Variants in RHOA observed in about 807,000 individuals in gnomAD.
RHOA encodes the protein ras homolog family member A.
Under a neutral mutation model 17.5 loss-of-function variants are expected in RHOA, and 3 were observed. That is an observed-to-expected ratio of 0.17 (90% confidence interval 0.08 to 0.44). RHOA has a LOEUF of 0.44. Ranked by LOEUF, RHOA falls within the 20% of genes least tolerant of loss-of-function variation. The probability of loss-of-function intolerance (pLI) is 0.99; values close to 1 mark genes in which losing one functional copy is unlikely to be tolerated. For synonymous variants in RHOA, 98 were observed against 88.4 expected (o/e 1.11, Z -0.61); for missense variants, 56 against 242.3 (o/e 0.23, Z 5.10).
In RHOA at chr3:49,368,700, CTTTTTTCTT is replaced by C; in HGVS notation, c.157-161_157-153del. On this transcript the variant is annotated intron_variant, in intron 2 of 4. Coordinates refer to ENST00000418115, the MANE Select transcript of RHOA (RefSeq NM_001664.4). ...AAACACAGGAGTATTTACATTTTTT[CTTTTTTCTT>C]TTTTTTTTTTTTTTTTGAGATGTAG... 32 of 491,572 alleles carry C rather than the reference CTTTTTTCTT, an allele frequency of 6.5e-5. No individual in the cohort carries two copies. The African/African-American group carries it at 7.0e-4, about 11-fold the overall frequency. The allele number at this position is 491,572 out of a possible 1,614,324, so 30.5% of individuals were successfully genotyped here.
At chr3:49,378,170 T>TAAAAAA (rs71627382) in intron 1 of RHOA, among the ~76,000 whole-genome samples, 1 of 90,444 alleles carries the variant, frequency 1.1e-5, no homozygotes. Context: ...AACTGTGTCT[T>TAAAAAA]AAAAAAAAAA....
At chr3:49,405,046 G>T (rs1440553001) in intron 1 of RHOA, among the ~76,000 whole-genome samples, 1 of 151,482 alleles carries the variant, frequency 6.6e-6, no homozygotes, top group Admixed American at 6.6e-5. Flanking sequence ...TCAGGAGATC[G>T]GGACCATCCT....
chr3:49,411,304 G>A (rs1355267130), intron 1 of RHOA, among the ~76,000 whole-genome samples: 1 of 152,132 alleles, frequency 6.6e-6, no homozygotes, highest in Non-Finnish European at 1.5e-5. Context: ...CAACAAGTCT[G>A]CATTAAAAGA....
At chr3:49,406,893 T>C (rs1180885763) in intron 1 of RHOA, 3 of 152,060 alleles carry the variant, frequency 2.0e-5, no homozygotes, top group Admixed American at 1.3e-4. Context: ...TCCCAACACC[T>C]TGGGAGGCCA....
chr3:49,359,641 C>T lies in RHOA; in HGVS notation c.*568G>A, dbSNP rs2047926803. The stretch of plus-strand genomic sequence containing the variant: ...GGGTAGATATATTTATTTTTGGTAA[C>T]ATACATTAAGTGGCACTAATTACAC... On this transcript the variant is annotated 3_prime_UTR_variant, in exon 5 of 5. Transcript: ENST00000418115. The T allele has an allele frequency of 4.7e-6, 1 of 210,696 alleles. No individual in the cohort carries two copies. The highest frequency in any genetic ancestry group is 2.3e-5 in the African/African-American group (1 of 43,994). The allele number at this position is 210,696 out of a possible 1,614,324, so 13.1% of individuals were successfully genotyped here. A position where few individuals can be genotyped will look rare whatever the true frequency, so the allele number is the denominator to read the frequency against.
chr3:49,407,232 G>GTTTTTTTTTTTTTTTTTTTTTTTTTT (rs61556875), intron 1 of RHOA, among the ~76,000 whole-genome samples: 1 of 70,020 alleles, frequency 1.4e-5, no homozygotes, highest in Non-Finnish European at 2.5e-5. Context: ...AATCCTTTCC[G>GTTTTTTTTTTTTTTTTTTTTTTTTTT]TTTTTTTTTT....
At position 49,387,160 on chromosome 3, in the gene RHOA, A is replaced by C. The variant is rs1290189282; in HGVS notation, c.-2-11569T>G. On this transcript the variant is annotated intron_variant, in intron 1 of 4. Transcript: ENST00000418115. ...AAAAAAAAAAAAAAAAAAAAAAAAA[A>C]CAGGCCGGGCGTGGTGGCTCACACC... Among the ~76,000 whole-genome samples the C allele has an allele frequency of 5.4e-5, 5 of 93,060 alleles. No homozygotes were observed. The East Asian group carries it at 1.7e-3, about 31-fold the overall frequency. The allele number at this position is 93,060 out of a possible 152,430, so 61.1% of individuals were successfully genotyped here. A position where few individuals can be genotyped will look rare whatever the true frequency, so the allele number is the denominator to read the frequency against.
intron 2 of RHOA, among the ~76,000 whole-genome samples, chr3:49,372,381 T>C (rs995563384): frequency 6.6e-6 from 1 of 152,140 alleles, no homozygotes; most frequent in Admixed American, 6.6e-5. Flanking sequence ...GGCCAGAAAG[T>C]ATCTTAGAGT....
chr3:49,410,804 C>A (rs1318005273), intron 1 of RHOA, among the ~76,000 whole-genome samples: 2 of 152,200 alleles, frequency 1.3e-5, no homozygotes, highest in Non-Finnish European at 2.9e-5. Flanking sequence ...TCTACTTACA[C>A]ACCTGCAAGA....
intron 3 of RHOA, among the ~76,000 whole-genome samples, chr3:49,367,342 C>CAA (rs62926260): frequency 1.2e-3 from 98 of 80,390 alleles, no homozygotes; most frequent in Non-Finnish European, 1.5e-3. Context: ...GACTCCCTCT[C>CAA]AAAAAAAAAA....
chr3:49,387,048 C>T (rs569034273), intron 1 of RHOA, among the ~76,000 whole-genome samples: 8 of 127,954 alleles, frequency 6.3e-5, no homozygotes, highest in African/African-American at 2.1e-4. Flanking sequence ...ACCTGGGAGG[C>T]GGAGGTTGCA....
intron 1 of RHOA, among the ~76,000 whole-genome samples, chr3:49,400,439 G>A (rs1454506671): frequency 6.6e-6 from 1 of 152,052 alleles, no homozygotes; most frequent in African/African-American, 2.4e-5. Context: ...CACCACCAGA[G>A]GCCTCAGTGG....
chr3:49,362,564 G>C lies in RHOA; in HGVS notation c.340C>G (p.Leu114Val), dbSNP rs1260716785. The C allele has an allele frequency of 6.2e-7, 1 of 1,613,732 alleles. No individual in the cohort carries two copies. Among genetic ancestry groups the C allele is most frequent in the Non-Finnish European group, 8.5e-7 (1 of 1,179,826 alleles). Residue 114 changes from leucine to valine, a missense_variant, in exon 4 of 5, where the codon CTG (leucine) becomes GTG (valine). By Grantham distance (32) the Leu-to-Val change is conservative. Coordinates refer to ENST00000418115, the MANE Select transcript of RHOA (RefSeq NM_001664.4). ...CGAAGATCCTTCTTATTCCCAACCA[G>C]GATGATGGGCACGTTGGGACAGAAA... ...KHFCPNVPII[L>V]VGNKKDLRND...
In RHOA at chr3:49,384,638, C is replaced by T. The variant is rs139466719; in HGVS notation, c.-2-9047G>A. Among the ~76,000 whole-genome samples, 7 of 152,150 alleles carry T rather than the reference C, an allele frequency of 4.6e-5. No individual in the cohort carries two copies. In the East Asian group the frequency reaches 1.4e-3, roughly 29 times the overall value. On this transcript the variant is annotated intron_variant, in intron 1 of 4. Coordinates refer to ENST00000418115, the MANE Select transcript of RHOA (RefSeq NM_001664.4). Reference sequence around the variant, plus strand: ...CCTCCCACTTCAGTCTCCCAAGTAGCTAGGAGTACAGGCACACACACCACG... The same window carrying T: ...CCTCCCACTTCAGTCTCCCAAGTAGTTAGGAGTACAGGCACACACACCACG...
chr3:49,388,083 T>C (rs1427873681), intron 1 of RHOA, among the ~76,000 whole-genome samples: 1 of 151,906 alleles, frequency 6.6e-6, no homozygotes. Context: ...CAAGGCTCAC[T>C]GCAGCGTCAA....
intron 1 of RHOA, among the ~76,000 whole-genome samples, chr3:49,391,825 T>A (rs1258424516): frequency 1.7e-3 from 119 of 71,674 alleles, no homozygotes; most frequent in Non-Finnish European, 3.0e-3. Flanking sequence ...TAATTTATCT[T>A]TTTTTTTTTT....
intron 1 of RHOA, among the ~76,000 whole-genome samples, chr3:49,397,262 A>T (rs556427275): frequency 1.1e-4 from 17 of 152,308 alleles, no homozygotes; most frequent in African/African-American, 3.9e-4. Flanking sequence ...CAGAATAGGC[A>T]AATCTATAGA....
chr3:49,405,285 A>C (rs2048812768), intron 1 of RHOA, among the ~76,000 whole-genome samples: 1 of 135,874 alleles, frequency 7.4e-6, no homozygotes. Context: ...AAAAAAAATT[A>C]GCTGGGCATG....
intron 1 of RHOA, among the ~76,000 whole-genome samples, chr3:49,390,886 C>T (rs1447880169): frequency 6.6e-6 from 1 of 151,808 alleles, no homozygotes; most frequent in African/African-American, 2.4e-5. Context: ...AGTTCGAGAC[C>T]AGCCTGGCCA....
Sources: allele counts gnomAD v4.1 joint callset (sites outside exome capture counted in the v4.1 genomes callset), GRCh38; gene constraint gnomAD v4.1.1; transcripts MANE v1.5; gene names NCBI Gene and HGNC (gene_info 2026-07-23, HGNC 2026-07-21).